The following MYH2 variants were observed in gnomAD, a reference collection of about 807,000 sequenced individuals.
The protein encoded by MYH2 is myosin-2.
MYH2 carries 139 observed loss-of-function variants against 228.1 expected under a neutral mutation model. The observed-to-expected ratio is 0.61, with a 90% CI of 0.53 to 0.70. The LOEUF is 0.70. Among genes scored for constraint, MYH2 ranks in the 30% least tolerant of loss-of-function variants. The probability of loss-of-function intolerance (pLI) is 0.00; values close to 1 mark genes in which losing one functional copy is unlikely to be tolerated. For missense variants in MYH2, 1,809 were observed against 2,357.5 expected, an observed-to-expected ratio of 0.77 and a Z score of 4.82; for synonymous variants, 796 against 871.1, an observed-to-expected ratio of 0.91 and a Z score of 1.52.
At position 10,525,575 on chromosome 17, in the gene MYH2, A is replaced by T. The variant is rs767698046; in HGVS notation, c.4413T>A (p.Ala1471=). 6.2e-7 allele frequency: 1 copy of T among 1,614,218 alleles called. No individual in the cohort carries two copies. The highest frequency in any genetic ancestry group is 8.5e-7 in the Non-Finnish European group (1 of 1,180,046). ...CCTCCTTCTGGGAGGCCTCAAGCTCAGCATGCGTTTCCTCACATTTCTGTT... is the reference window on the plus strand; with the variant it reads ...CCTCCTTCTGGGAGGCCTCAAGCTCTGCATGCGTTTCCTCACATTTCTGTT... The part of the protein sequence containing the change: ...EWKQKCEETH[A]ELEASQKEAR... Residue 1471 remains alanine, a synonymous_variant, in exon 32 of 40, where the codon GCT becomes GCA. Transcript: ENST00000245503. This position sits in a 1 kb window ranked among gnomAD's most constrained non-coding sequence, Gnocchi z 4.2.
Position 10,523,531 on chromosome 17 carries a change from C to A in MYH2, c.5437G>T (p.Gly1813Cys), listed in dbSNP as rs1183883416. ...AGTTTCTGGATCTGCTTCTTCCCAC[C>A]CTTCAGGGCCAGCTGCTCAGCCTCA... ...LDEAEQLALK[G>C]GKKQIQKLEA... Residue 1813 changes from glycine to cysteine, a missense_variant, in exon 37 of 40, where the codon GGT (glycine) becomes TGT (cysteine). This residue lies in a region of MYH2 where 278 missense variants were observed against 308.5 expected (regional missense o/e 0.90). Coordinates refer to ENST00000245503, the MANE Select transcript of MYH2 (RefSeq NM_017534.6). 28 of 1,614,100 alleles carry A rather than the reference C, an allele frequency of 1.7e-5. No individual in the cohort carries two copies. The highest frequency in any genetic ancestry group is 2.3e-5 in the Non-Finnish European group (27 of 1,180,046).
intron 17 of MYH2, 136 bp downstream of exon 17, chr17:10,536,394 T>C: frequency 3.0e-6 from 2 of 659,784 alleles, no homozygotes; most frequent in South Asian, 2.4e-5. Flanking sequence ...AAAGTAATTT[T>C]AATAAATGTA....
At chr17:10,531,193 T>A (rs944832644) in intron 22 of MYH2, among the ~76,000 whole-genome samples, 1 of 152,130 alleles carries the variant, frequency 6.6e-6, no homozygotes, top group Non-Finnish European at 1.5e-5. Flanking sequence ...TCAGTAAAAT[T>A]TGATGAGAGT....
intron 24 of MYH2, 24 bp from the exon 25 acceptor site, chr17:10,529,505 A>C (rs760631184): frequency 1.2e-6 from 2 of 1,614,208 alleles, no homozygotes; most frequent in South Asian, 2.2e-5. Context: ...ATGTTGAATC[A>C]GAAGGAATGC....
In MYH2 at chr17:10,525,205, T is replaced by C. The variant is rs759241520; in HGVS notation, c.4662+19A>G. On this transcript the variant is annotated intron_variant, in intron 33 of 39. Transcript: ENST00000245503. This position sits in a 1 kb window ranked among gnomAD's most constrained non-coding sequence, Gnocchi z 4.2. ...AATTATTTTCCAGATTTTTTTATAATGCACAATTTTACATGTACCTCTGCT... is the reference window on the plus strand; with the variant it reads ...AATTATTTTCCAGATTTTTTTATAACGCACAATTTTACATGTACCTCTGCT... 9 of 1,614,082 alleles carry C rather than the reference T, an allele frequency of 5.6e-6. No individual in the cohort carries two copies. In the Admixed American group the frequency reaches 1.5e-4, roughly 27 times the overall value.
intron 2 of MYH2, among the ~76,000 whole-genome samples, chr17:10,548,695 G>A (rs963580660): frequency 1.2e-4 from 18 of 152,108 alleles, no homozygotes; most frequent in African/African-American, 3.6e-4. Flanking sequence ...ACATCTAAGG[G>A]CTCCCTTTAC....
intron 4 of MYH2, 132 bp from the exon 5 acceptor site, chr17:10,545,634 A>T: frequency 8.2e-7 from 1 of 1,212,556 alleles, no homozygotes; most frequent in Non-Finnish European, 1.2e-6. Flanking sequence ...GTGCTACCTC[A>T]GCTCACTGCA....
Position 10,533,615 on chromosome 17 carries a change from G to A in MYH2, c.2198C>T (p.Ala733Val). 6.2e-7 allele frequency: 1 copy of A among 1,614,078 alleles called. No homozygotes were observed. Residue 733 changes from alanine (A) to valine (V), a missense_variant, in exon 20 of 40, where the codon GCA (alanine) becomes GTA (valine). Ala to Val is a moderately conservative substitution (Grantham distance 64, BLOSUM62 0). Transcript: ENST00000245503. ...GAATTGCCCTTCAGGGATTGCACTT[G>A]CATTTAATACCTTGTATCTGTTGAA... ...DFKQRYKVLN[A>V]SAIPEGQFID...
chr17:10,528,664 T>C lies in MYH2; in HGVS notation c.3744+26A>G, dbSNP rs1322559113. ...TGTGTCCATAATGCATTATTTTCAA[T>C]AACAATTTCCCAGAATTTGTAGTAC... On this transcript the variant is annotated intron_variant, in intron 27 of 39. Transcript: ENST00000245503. 3.1e-6 allele frequency: 5 copies of C among 1,613,848 alleles called. No homozygotes were observed. The Admixed American group carries it at 6.7e-5, about 22-fold the overall frequency.
In MYH2 at chr17:10,539,442, AC is replaced by A; in HGVS notation, c.1266+1del. 1 of 1,614,040 alleles carries A rather than the reference AC, an allele frequency of 6.2e-7. No homozygotes were observed. Among genetic ancestry groups the A allele is most frequent in the Non-Finnish European group, 8.5e-7 (1 of 1,179,918 alleles). ...GGCAGTTAATTTGAATTATGCACCT[AC>A]CTGTTCTACAGTCTGGCCTTTGGTG... On this transcript the variant is annotated splice_donor_variant, in intron 13 of 39. Coordinates refer to ENST00000245503, the MANE Select transcript of MYH2 (RefSeq NM_017534.6). LOFTEE classifies it high-confidence loss of function.
intron 38 of MYH2, 30 bp from the exon 39 acceptor site, chr17:10,523,215 A>G (rs1196955254): frequency 2.5e-6 from 4 of 1,606,974 alleles, no homozygotes; most frequent in Non-Finnish European, 3.4e-6. Flanking sequence ...CCAGGACCTT[A>G]ATTACTAAAG....
chr17:10,548,118 C>T (rs1245390272), intron 2 of MYH2, among the ~76,000 whole-genome samples, 178 bp from the exon 3 acceptor site: 2 of 152,138 alleles, frequency 1.3e-5, no homozygotes, highest in African/African-American at 4.8e-5. Flanking sequence ...ATCAGGTGGT[C>T]TCTGTGTACC....
In MYH2 at chr17:10,537,868, A is replaced by G; in HGVS notation, c.1417-33T>C. 3 of 1,614,154 alleles carry G rather than the reference A, an allele frequency of 1.9e-6. No homozygotes were observed. The highest frequency in any genetic ancestry group is 2.5e-6 in the Non-Finnish European group (3 of 1,179,992). ...AATAGATATGTTTACTTCTCTCTTAAGCAAATTGAGTATTTTTTAAAATAC... is the reference window on the plus strand; with the variant it reads ...AATAGATATGTTTACTTCTCTCTTAGGCAAATTGAGTATTTTTTAAAATAC... On this transcript the variant is annotated intron_variant, in intron 14 of 39. Transcript: ENST00000245503. This position sits in a 1 kb window ranked among gnomAD's most constrained non-coding sequence, Gnocchi z 4.0.
intron 10 of MYH2, among the ~76,000 whole-genome samples, chr17:10,541,121 CAA>C (rs745599301): frequency 3.3e-5 from 5 of 152,194 alleles, no homozygotes; most frequent in Non-Finnish European, 4.4e-5. Context: ...TGTGTTTAAA[CAA>C]TATGAAATCT....
chr17:10,529,949 C>A lies in MYH2; in HGVS notation c.2823G>T (p.Glu941Asp), dbSNP rs138206136. The A allele has an allele frequency of 7.4e-4, 1,187 of 1,613,750 alleles. No individual in the cohort carries two copies. The highest frequency in any genetic ancestry group is 1.0e-3 in the Admixed American group (60 of 59,984). ...CCAGTTTCCTCTTCTTGGCTGTCAGCTCAGCATTGATCTCTTCCTCATCCT... is the reference window on the plus strand; with the variant it reads ...CCAGTTTCCTCTTCTTGGCTGTCAGATCAGCATTGATCTCTTCCTCATCCT... ...RAEDEEEINA[E>D]LTAKKRKLED... The change falls in exon 23 of 40, where the codon GAG (glutamate) becomes GAT (aspartate). Residue 941 changes from glutamate (E) to aspartate (D), a missense_variant. Physicochemically the swap from Glu to Asp is conservative, Grantham distance 45 (BLOSUM62 2). This residue lies in a region of MYH2 where 43 missense variants were observed against 89.2 expected (regional missense o/e 0.48). Coordinates refer to ENST00000245503, the MANE Select transcript of MYH2 (RefSeq NM_017534.6).
At chr17:10,543,187 C>T (rs765892974) in intron 8 of MYH2, 26 bp from the exon 9 acceptor site, 22 of 1,527,882 alleles carry the variant, frequency 1.4e-5, no homozygotes, top group Non-Finnish European at 2.0e-5. Context: ...AATATTACTA[C>T]CTTTTTTTTA....
In MYH2 at chr17:10,527,805, G is replaced by C; in HGVS notation, c.3814C>G (p.Gln1272Glu). ...LSELKSKEEE[Q>E]QRLINDLTAQ... Reference sequence around the variant, plus strand: ...GTCAGGTCATTGATCAGCCGCTGCTGCTCCTCTTCCTTTGATTTCAGTTCA... The same window carrying C: ...GTCAGGTCATTGATCAGCCGCTGCTCCTCCTCTTCCTTTGATTTCAGTTCA... Residue 1272 changes from glutamine to glutamate, a missense_variant, in exon 28 of 40, where the codon CAG (glutamine) becomes GAG (glutamate). Physicochemically the swap from Gln to Glu is conservative, Grantham distance 29 (BLOSUM62 2). Coordinates refer to ENST00000245503, the MANE Select transcript of MYH2 (RefSeq NM_017534.6). 6.2e-7 allele frequency: 1 copy of C among 1,614,082 alleles called. No individual in the cohort carries two copies. Among genetic ancestry groups the C allele is most frequent in the Admixed American group, 1.7e-5 (1 of 60,008 alleles).
chr17:10,541,933 G>A (rs563542580), intron 10 of MYH2, among the ~76,000 whole-genome samples: 23 of 152,244 alleles, frequency 1.5e-4, no homozygotes, highest in African/African-American at 5.3e-4. Flanking sequence ...AGGCACCATC[G>A]CAAACACCTT....
Position 10,524,718 on chromosome 17 carries a change from AC to A in MYH2, c.4971+38del. Reference sequence around the variant, plus strand: ...ACATCATGTTCTCAGGGTTGCAGGCACCCCAATAGTCCTGGGACCATCTCTT... The same window carrying A: ...ACATCATGTTCTCAGGGTTGCAGGCACCCAATAGTCCTGGGACCATCTCTT... On this transcript the variant is annotated intron_variant, in intron 34 of 39. Coordinates refer to ENST00000245503, the MANE Select transcript of MYH2 (RefSeq NM_017534.6). The surrounding 1 kb of genome is among the most constrained non-coding windows in gnomAD (Gnocchi z 4.7). The A allele has an allele frequency of 6.2e-7, 1 of 1,614,148 alleles. No individual in the cohort carries two copies. Among genetic ancestry groups the A allele is most frequent in the Non-Finnish European group, 8.5e-7 (1 of 1,180,020 alleles).
Sources: gnomAD v4.1 joint callset for allele counts (sites outside exome capture counted in the v4.1 genomes callset) on GRCh38, gnomAD v4.1.1 for gene constraint, gnomAD v4.1.1 regional missense constraint, Gnocchi (gnomAD v3.1) non-coding constraint, MANE v1.5 for transcripts, NCBI Gene and HGNC (gene_info 2026-07-23, HGNC 2026-07-21) for gene names.